Variants in TRPM6 observed in about 807,000 individuals in gnomAD.
The protein encoded by TRPM6 is transient receptor potential cation channel subfamily M member 6.
A neutral mutation model predicts 247.6 loss-of-function variants in TRPM6; 111 were observed. The observed-to-expected ratio is 0.45, with a 90% confidence interval of 0.38 to 0.52. The LOEUF is 0.52. Ranked by LOEUF, TRPM6 falls within the 20% of genes least tolerant of loss-of-function variation. TRPM6 has a pLI of 0.00. For synonymous variants in TRPM6, 892 were observed against 853.8 expected, an observed-to-expected ratio of 1.04 and a Z score of -0.78; for missense variants, 2,126 against 2,421.5, an observed-to-expected ratio of 0.88 and a Z score of 2.56.
chr9:74,751,572 A>T (rs990566272), intron 29 of TRPM6, among the ~76,000 whole-genome samples: 2 of 152,320 alleles, frequency 1.3e-5, no homozygotes, highest in South Asian at 4.1e-4. Flanking sequence ...TCAAACAAAG[A>T]CTTAAAATTA....
At chr9:74,740,779 A>T (rs1256021519) in intron 33 of TRPM6, among the ~76,000 whole-genome samples, 1 of 152,174 alleles carries the variant, frequency 6.6e-6, no homozygotes, top group Non-Finnish European at 1.5e-5. Context: ...TTTCAGCTTG[A>T]ATTTAATACA....
rs560767065 is a variant in TRPM6 at position 74,855,510 on chromosome 9, G to A, written c.152+17C>T. The A allele has an allele frequency of 5.0e-6, 8 of 1,588,070 alleles. No individual in the cohort carries two copies. The African/African-American group carries it at 6.7e-5, about 13-fold the overall frequency. On this transcript the variant is annotated intron_variant, in intron 3 of 38. Transcript: ENST00000360774. ...GTGCCTAAAAGCTAAAAGGAATCTTGCTTATCTAAGTCTTACCTGATTAAA... is the reference window on the plus strand; with the variant it reads ...GTGCCTAAAAGCTAAAAGGAATCTTACTTATCTAAGTCTTACCTGATTAAA...
chr9:74,874,247 A>C (rs80128167), intron 1 of TRPM6, among the ~76,000 whole-genome samples: 56,106 of 151,054 alleles, frequency 0.37, 11,762 homozygotes, highest in East Asian at 0.5. Context: ...AAAACAAAAA[A>C]AAAAAAAAAA....
chr9:74,787,045 A>G (rs1827704375), intron 20 of TRPM6, among the ~76,000 whole-genome samples: 1 of 148,662 alleles, frequency 6.7e-6, no homozygotes, highest in Admixed American at 6.7e-5. Flanking sequence ...CTAAAAATAC[A>G]AAAATTAGGC....
intron 5 of TRPM6, among the ~76,000 whole-genome samples, 168 bp downstream of exon 5, chr9:74,839,853 GAGA>G (rs1486357329): frequency 4.9e-5 from 6 of 122,746 alleles, no homozygotes; most frequent in African/African-American, 1.9e-4. Context: ...AGAGAAGAGA[GAGA>G]GGAAGGAAGG....
At position 74,723,941 on chromosome 9, in the gene TRPM6, A is replaced by G. The variant is rs1185793235; in HGVS notation, c.*672T>C. The G allele has an allele frequency of 6.7e-6, 1 of 148,790 alleles. No homozygotes were observed. The highest frequency in any genetic ancestry group is 1.5e-5 in the Non-Finnish European group (1 of 67,470). The allele number at this position is 148,790 out of a possible 1,614,324, so 9.2% of individuals were successfully genotyped here. On this transcript the variant is annotated 3_prime_UTR_variant, in exon 39 of 39. Coordinates refer to ENST00000360774, the MANE Select transcript of TRPM6 (RefSeq NM_017662.5). Reference sequence around the variant, plus strand: ...CCATATATATTATATATGGAAGGGTATTTGTTTTAGGTTTCCCTTTCTTTT... The same window carrying G: ...CCATATATATTATATATGGAAGGGTGTTTGTTTTAGGTTTCCCTTTCTTTT...
At chr9:74,779,752 T>C (rs564042938) in intron 23 of TRPM6, among the ~76,000 whole-genome samples, 2 of 152,350 alleles carry the variant, frequency 1.3e-5, no homozygotes, top group African/African-American at 4.8e-5. Flanking sequence ...CCCATACTGG[T>C]AGCTGCAGGA....
intron 19 of TRPM6, among the ~76,000 whole-genome samples, chr9:74,792,380 ACTCT>A (rs1236838936): frequency 1.3e-5 from 2 of 152,130 alleles, no homozygotes; most frequent in African/African-American, 4.8e-5. Context: ...AACAGTGCTA[ACTCT>A]TAGCACTCAA....
intron 4 of TRPM6, 39 bp from the exon 5 acceptor site, chr9:74,840,276 A>T (rs1829888614): frequency 6.8e-7 from 1 of 1,473,842 alleles, no homozygotes; most frequent in East Asian, 2.3e-5. Flanking sequence ...GAACATTGTA[A>T]AAAAGTTATG....
intron 1 of TRPM6, among the ~76,000 whole-genome samples, chr9:74,860,439 A>G (rs1587591277): frequency 6.6e-6 from 1 of 152,028 alleles, no homozygotes; most frequent in Non-Finnish European, 1.5e-5. Context: ...GCTCACTGAA[A>G]CCACTGCCTC....
intron 1 of TRPM6, among the ~76,000 whole-genome samples, chr9:74,886,093 T>C (rs1831520109): frequency 1.3e-5 from 2 of 152,160 alleles, no homozygotes; most frequent in African/African-American, 4.8e-5. Context: ...TTGCAACATA[T>C]TGCACGATTC....
chr9:74,778,643 T>C (rs1827310002), intron 23 of TRPM6, among the ~76,000 whole-genome samples: 1 of 152,168 alleles, frequency 6.6e-6, no homozygotes, highest in South Asian at 2.1e-4. Flanking sequence ...GAGCCCATAC[T>C]TATCACTTCT....
At chr9:74,821,513 G>A (rs986910453) in intron 8 of TRPM6, among the ~76,000 whole-genome samples, 156 bp downstream of exon 8, 3 of 152,174 alleles carry the variant, frequency 2.0e-5, no homozygotes, top group Non-Finnish European at 4.4e-5. Context: ...AGGGCATTTT[G>A]ATGTTGAACA....
intron 1 of TRPM6, chr9:74,875,196 C>T: frequency 2.2e-6 from 1 of 453,178 alleles, no homozygotes. Context: ...TGATAAAACA[C>T]TGGAATTCAG....
rs899078646 is a variant in TRPM6 at position 74,812,568 on chromosome 9, A to G, written c.1309-135T>C. ...AAATCCTGCCATCAGTGGGTACAGA[A>G]AAAAAAAAAAAAGGAAAAAATTTAA... On this transcript the variant is annotated intron_variant, in intron 11 of 38. Coordinates refer to ENST00000360774, the MANE Select transcript of TRPM6 (RefSeq NM_017662.5). 1.2e-5 allele frequency: 6 copies of G among 499,276 alleles called. No homozygotes were observed. The African/African-American group carries it at 1.4e-4, about 12-fold the overall frequency. The allele number at this position is 499,276 out of a possible 1,614,324, so 30.9% of individuals were successfully genotyped here.
intron 26 of TRPM6, 58 bp downstream of exon 26, chr9:74,761,941 C>CA: frequency 6.3e-7 from 1 of 1,580,100 alleles, no homozygotes; most frequent in South Asian, 1.1e-5. Context: ...CAAAACAAAA[C>CA]AAAACCAGTA....
chr9:74,757,229 A>G (rs1826457618), intron 27 of TRPM6, among the ~76,000 whole-genome samples: 1 of 152,000 alleles, frequency 6.6e-6, no homozygotes, highest in African/African-American at 2.4e-5. Context: ...GACCAGAGTT[A>G]AACCCAAAGT....
Position 74,762,658 on chromosome 9 carries a change from T to A in TRPM6, c.4013A>T (p.His1338Leu), listed in dbSNP as rs1826689071. Residue 1338 changes from histidine to leucine, a missense_variant, in exon 26 of 39, where the codon CAC becomes CTC. By Grantham distance (99) the His-to-Leu change is moderately conservative. Transcript: ENST00000360774. ...CAGAAGAAACTGGCCATACTTTGAGTGTGCTTGCCTGTTAGGAGACACCCC... is the reference window on the plus strand; with the variant it reads ...CAGAAGAAACTGGCCATACTTTGAGAGTGCTTGCCTGTTAGGAGACACCCC... ...VSGVSPNRQAHSKYGQFLLVP... is the reference protein window; with the variant it reads ...VSGVSPNRQALSKYGQFLLVP... 2.5e-6 allele frequency: 4 copies of A among 1,614,186 alleles called. No individual in the cohort carries two copies. The highest frequency in any genetic ancestry group is 2.5e-6 in the Non-Finnish European group (3 of 1,180,028).
At chr9:74,774,220 T>C (rs773236887) in intron 24 of TRPM6, among the ~76,000 whole-genome samples, 1 of 152,218 alleles carries the variant, frequency 6.6e-6, no homozygotes, top group Non-Finnish European at 1.5e-5. Flanking sequence ...AATCATCCTA[T>C]AAGCACAGAC....
Sources: allele counts gnomAD v4.1 joint callset (sites outside exome capture counted in the v4.1 genomes callset), GRCh38; gene constraint gnomAD v4.1.1; transcripts MANE v1.5; gene names NCBI Gene and HGNC (gene_info 2026-07-23, HGNC 2026-07-21).